Variants in GABPB1 observed in about 807,000 individuals in gnomAD.
The protein encoded by GABPB1 is GA-binding protein subunit beta-1.
In GABPB1, 15 loss-of-function variants were observed where a neutral mutation model predicts 45.9. That is an observed-to-expected ratio of 0.33 (90% CI 0.22 to 0.50). GABPB1 has a LOEUF of 0.50. Among genes scored for constraint, GABPB1 ranks in the 20% least tolerant of loss-of-function variants. GABPB1 has a pLI of 0.98. For missense variants in GABPB1, 252 were observed against 457.5 expected (o/e 0.55, Z 4.10); for synonymous variants, 143 against 154.4 (o/e 0.93, Z 0.55).
intron 2 of GABPB1, among the ~76,000 whole-genome samples, chr15:50,307,627 G>A (rs574790173): frequency 2.6e-4 from 40 of 151,682 alleles, no homozygotes; most frequent in African/African-American, 5.1e-4. Context: ...ACTTGAACCC[G>A]GCAGGCGGAG....
chr15:50,308,294 C>T (rs1365190169), intron 2 of GABPB1, among the ~76,000 whole-genome samples: 1 of 152,196 alleles, frequency 6.6e-6, no homozygotes, highest in Non-Finnish European at 1.5e-5. Context: ...AAGATCACTT[C>T]AAATTCATTT....
At chr15:50,351,894 T>A (rs1431838099) in intron 1 of GABPB1, 1 of 152,158 alleles carries the variant, frequency 6.6e-6, no homozygotes, top group Non-Finnish European at 1.5e-5. Context: ...GCTATCCCAA[T>A]GTAGGCACAT....
intron 8 of GABPB1, among the ~76,000 whole-genome samples, chr15:50,283,395 A>G (rs192764441): frequency 7.2e-5 from 11 of 152,132 alleles, no homozygotes; most frequent in African/African-American, 2.4e-4. Flanking sequence ...CCATATGCAG[A>G]TGTAAAGCCC....
chr15:50,315,772 A>G (rs1281359722), intron 1 of GABPB1, among the ~76,000 whole-genome samples: 2 of 152,208 alleles, frequency 1.3e-5, no homozygotes, highest in Non-Finnish European at 2.9e-5. Context: ...ACTCAGTTCA[A>G]TATCTATATA....
At chr15:50,352,942 G>C (rs2048903505) in intron 1 of GABPB1, 2 of 152,126 alleles carry the variant, frequency 1.3e-5, no homozygotes, top group African/African-American at 2.4e-5. Context: ...GATTCAGAGA[G>C]ACAAAGAACT....
At chr15:50,338,038 T>TAA (rs1183846102) in intron 1 of GABPB1, among the ~76,000 whole-genome samples, 2 of 152,170 alleles carry the variant, frequency 1.3e-5, no homozygotes, top group Non-Finnish European at 2.9e-5. Context: ...AAAGCTTAGT[T>TAA]TTTTTGGTTT....
In GABPB1 at chr15:50,293,027, T is replaced by C. The variant is rs180831574; in HGVS notation, c.698-3359A>G. Among the ~76,000 whole-genome samples the C allele has an allele frequency of 2.5e-3, 379 of 152,220 alleles. 1 individual carries two copies. The highest frequency in any genetic ancestry group is 6.3e-3 in the Admixed American group (97 of 15,282). ...ATTATAACTAGTTCAAAAAGAGGAATGACATTAAAAATTATTTCTAAATGG... is the reference window on the plus strand; with the variant it reads ...ATTATAACTAGTTCAAAAAGAGGAACGACATTAAAAATTATTTCTAAATGG... On this transcript the variant is annotated intron_variant, in intron 6 of 8. Transcript: ENST00000380877.
chr15:50,286,327 G>A (rs1201296423), intron 7 of GABPB1, 144 bp from the exon 8 acceptor site: 154 of 559,216 alleles, frequency 2.8e-4, no homozygotes, highest in Non-Finnish European at 1.7e-5. Context: ...TGCTTTTTAT[G>A]AGACTATCCA....
chr15:50,329,102 T>C (rs1188392232), intron 1 of GABPB1, among the ~76,000 whole-genome samples: 1 of 152,208 alleles, frequency 6.6e-6, no homozygotes, highest in Non-Finnish European at 1.5e-5. Flanking sequence ...GGCACAAGAA[T>C]GTTCCAGGTT....
At chr15:50,351,808 C>T (rs960877988) in intron 1 of GABPB1, 3 of 152,160 alleles carry the variant, frequency 2.0e-5, no homozygotes, top group Admixed American at 2.0e-4. Context: ...TAATACTGAT[C>T]TCATCTAGTG....
intron 4 of GABPB1, 50 bp downstream of exon 4, chr15:50,302,879 T>G: frequency 3.2e-6 from 4 of 1,248,154 alleles, no homozygotes; most frequent in Non-Finnish European, 4.6e-6. Context: ...ATCCCTCTAC[T>G]GATAAGGCTT....
rs192060337 is a variant in GABPB1 at position 50,338,755 on chromosome 15, C to A, written c.-1+16230G>T. Among the ~76,000 whole-genome samples the A allele has an allele frequency of 3.9e-5, 6 of 152,326 alleles. No homozygotes were observed. The East Asian group carries it at 1.2e-3, about 29-fold the overall frequency. ...AAAGTGCCAGGATTACAGGCGTGAG[C>A]CACCACACCCGGCCTAAACCTCCGT... On this transcript the variant is annotated intron_variant, in intron 1 of 8. Coordinates refer to ENST00000380877, the MANE Select transcript of GABPB1 (RefSeq NM_016654.5).
At chr15:50,333,597 G>C (rs886281426) in intron 1 of GABPB1, among the ~76,000 whole-genome samples, 15 of 152,072 alleles carry the variant, frequency 9.9e-5, no homozygotes, top group Non-Finnish European at 2.1e-4. Context: ...GTGACAAGTT[G>C]TTTTTATCTG....
intron 6 of GABPB1, among the ~76,000 whole-genome samples, chr15:50,292,239 G>C (rs561584249): frequency 1.3e-5 from 2 of 149,198 alleles, no homozygotes; most frequent in Admixed American, 1.3e-4. Flanking sequence ...GTGTGAACCC[G>C]GGAGGCGGAG....
chr15:50,307,634 G>A (rs535170505), intron 2 of GABPB1, among the ~76,000 whole-genome samples: 27 of 151,542 alleles, frequency 1.8e-4, no homozygotes, highest in Non-Finnish European at 2.8e-4. Flanking sequence ...CCCGGCAGGC[G>A]GAGGTTGCAG....
chr15:50,302,415 G>A (rs1364635553), intron 4 of GABPB1, among the ~76,000 whole-genome samples: 2 of 152,102 alleles, frequency 1.3e-5, no homozygotes, highest in African/African-American at 4.8e-5. Flanking sequence ...GGCCGAGGCA[G>A]GCAGATCGCC....
intron 1 of GABPB1, among the ~76,000 whole-genome samples, chr15:50,322,956 G>A (rs2047626478): frequency 6.6e-6 from 1 of 152,148 alleles, no homozygotes; most frequent in South Asian, 2.1e-4. Flanking sequence ...CTGAGCCTAG[G>A]AAGTCAAGGC....
chr15:50,289,917 A>G (rs1385139623), intron 6 of GABPB1, among the ~76,000 whole-genome samples: 1 of 152,014 alleles, frequency 6.6e-6, no homozygotes, highest in Non-Finnish European at 1.5e-5. Context: ...GACTGCAGGT[A>G]TGTACCACCA....
At chr15:50,313,455 A>G (rs2047200832) in intron 1 of GABPB1, among the ~76,000 whole-genome samples, 1 of 152,214 alleles carries the variant, frequency 6.6e-6, no homozygotes, top group African/African-American at 2.4e-5. Flanking sequence ...TTACAAAAAT[A>G]TCCAAGTCCA....
Sources: gnomAD v4.1 joint callset for allele counts (sites outside exome capture counted in the v4.1 genomes callset) on GRCh38, gnomAD v4.1.1 for gene constraint, MANE v1.5 for transcripts, NCBI Gene and HGNC (gene_info 2026-07-23, HGNC 2026-07-21) for gene names.